NFIB: variants seen among roughly 807,000 people sequenced by gnomAD.
The protein encoded by NFIB is nuclear factor 1 B-type.
NFIB carries 11 observed loss-of-function variants against 61.5 expected under a neutral mutation model. The observed-to-expected ratio is 0.18, with a 90% CI of 0.11 to 0.30. The LOEUF (loss-of-function observed/expected upper bound fraction) is 0.30. Ranked by LOEUF, NFIB falls within the 10% of genes least tolerant of loss-of-function variation. NFIB has a pLI of 1.00. For missense variants in NFIB, 471 were observed against 608.9 expected, an observed-to-expected ratio of 0.77 and a Z score of 2.38; for synonymous variants, 260 against 216.5, an observed-to-expected ratio of 1.20 and a Z score of -1.76.
chr9:14,478,637 A>G, the NFIB span, among the ~76,000 whole-genome samples: 1 of 152,200 alleles, frequency 6.6e-6, no homozygotes, highest in Non-Finnish European at 1.5e-5. Context: ...CATGAATAAC[A>G]TTTCAGGGAA....
intron 2 of NFIB, among the ~76,000 whole-genome samples, chr9:14,244,438 A>C (rs1313584296): frequency 1.3e-5 from 2 of 152,228 alleles, no homozygotes; most frequent in Admixed American, 1.3e-4. Flanking sequence ...AATGAATGAA[A>C]CTTACCCACA....
chr9:14,175,679 T>C (rs577912875), intron 3 of NFIB, among the ~76,000 whole-genome samples: 11 of 152,254 alleles, frequency 7.2e-5, no homozygotes, highest in African/African-American at 2.4e-4. Flanking sequence ...ACACACAAAA[T>C]AGCACAAGCA....
chr9:14,201,895 G>A (rs1014388521), intron 2 of NFIB, among the ~76,000 whole-genome samples: 2 of 145,172 alleles, frequency 1.4e-5, no homozygotes, highest in African/African-American at 2.5e-5. Flanking sequence ...TTATCCATTC[G>A]TTTATTTTTT....
Position 14,264,640 on chromosome 9 carries a change from T to A in NFIB, c.562+42349A>T, listed in dbSNP as rs562277718. Among the ~76,000 whole-genome samples the A allele has an allele frequency of 7.2e-5, 11 of 152,280 alleles. No individual in the cohort carries two copies. The East Asian group carries it at 1.9e-3, about 27-fold the overall frequency. On this transcript the variant is annotated intron_variant, in intron 2 of 10. Transcript: ENST00000380953. ...TTCAAAGGGTCCGATCTGCTATATG[T>A]CCCCTACAATATTAAGTACATACTT...
upstream of NFIB, among the ~76,000 whole-genome samples, chr9:14,315,366 G>GCCT (rs990660729): frequency 6.6e-5 from 10 of 150,758 alleles, no homozygotes; most frequent in African/African-American, 1.9e-4. Flanking sequence ...CGCCGCCGCC[G>GCCT]CCTCTTGCTC....
chr9:14,461,674 G>A, the NFIB span, among the ~76,000 whole-genome samples: 2 of 152,150 alleles, frequency 1.3e-5, no homozygotes, highest in African/African-American at 4.8e-5. Context: ...TGTATGGTAA[G>A]AATCCTGTGA....
At chr9:14,194,694 C>T (rs1232240664) in intron 2 of NFIB, among the ~76,000 whole-genome samples, 1 of 152,026 alleles carries the variant, frequency 6.6e-6, no homozygotes, top group South Asian at 2.1e-4. Flanking sequence ...AAATGAGATA[C>T]ATTATACTAA....
At chr9:14,153,502 C>A (rs1316664091) in intron 4 of NFIB, among the ~76,000 whole-genome samples, 1 of 152,040 alleles carries the variant, frequency 6.6e-6, no homozygotes, top group Non-Finnish European at 1.5e-5. Flanking sequence ...AGAAATGAAG[C>A]ACCAAAGAAC....
chr9:14,496,637 C>T, the NFIB span, among the ~76,000 whole-genome samples: 1 of 152,152 alleles, frequency 6.6e-6, no homozygotes, highest in Non-Finnish European at 1.5e-5. Flanking sequence ...CGTAGTCCAT[C>T]TAAGTCATTT....
At chr9:14,150,694 C>A (rs970331706) in intron 4 of NFIB, among the ~76,000 whole-genome samples, 1 of 152,002 alleles carries the variant, frequency 6.6e-6, no homozygotes, top group Non-Finnish European at 1.5e-5. Flanking sequence ...AAACAGAGAA[C>A]CGTTTCACAA....
At chr9:14,414,955 A>C in the NFIB span, among the ~76,000 whole-genome samples, 1 of 152,158 alleles carries the variant, frequency 6.6e-6, no homozygotes, top group Non-Finnish European at 1.5e-5. Context: ...CTAATAAACC[A>C]CCACACATTT....
the NFIB span, among the ~76,000 whole-genome samples, chr9:14,424,137 G>A: frequency 6.6e-6 from 1 of 152,156 alleles, no homozygotes; most frequent in Non-Finnish European, 1.5e-5. Context: ...TGCCATGATA[G>A]TTTAAGTTAA....
At chr9:14,239,589 A>T (rs940943708) in intron 2 of NFIB, among the ~76,000 whole-genome samples, 1 of 152,220 alleles carries the variant, frequency 6.6e-6, no homozygotes, top group African/African-American at 2.4e-5. Flanking sequence ...TAAGAATGAG[A>T]AAGGAATCTC....
chr9:14,395,530 A>T (rs943311862), intron 1 of NFIB, among the ~76,000 whole-genome samples: 2 of 151,884 alleles, frequency 1.3e-5, no homozygotes, highest in Non-Finnish European at 2.9e-5. Flanking sequence ...CGTGAGCCCC[A>T]CAAATATAAA....
the NFIB span, among the ~76,000 whole-genome samples, chr9:14,479,245 G>C: frequency 6.6e-6 from 1 of 152,198 alleles, no homozygotes; most frequent in Admixed American, 6.5e-5. Flanking sequence ...GTGGGGGATT[G>C]CAGGGGGCTC....
the NFIB span, among the ~76,000 whole-genome samples, chr9:14,423,863 T>C: frequency 1.3e-5 from 2 of 152,322 alleles, no homozygotes; most frequent in Non-Finnish European, 2.9e-5. Flanking sequence ...TATTTTTATA[T>C]TGAAAGTCAT....
chr9:14,131,009 A>G (rs1334782664), intron 6 of NFIB, among the ~76,000 whole-genome samples: 2 of 152,158 alleles, frequency 1.3e-5, no homozygotes, highest in African/African-American at 4.8e-5. Context: ...GGTTTAGTAG[A>G]GAGGGCAGAA....
At chr9:14,518,616 CT>C in the NFIB span, among the ~76,000 whole-genome samples, 1 of 151,754 alleles carries the variant, frequency 6.6e-6, no homozygotes, top group African/African-American at 2.4e-5. Flanking sequence ...AACACCACTA[CT>C]TTTGTCCTGC....
chr9:14,353,125 G>C (rs2061133803), intron 1 of NFIB, among the ~76,000 whole-genome samples: 1 of 152,114 alleles, frequency 6.6e-6, no homozygotes, highest in Non-Finnish European at 1.5e-5. Context: ...TGGTGAAGGT[G>C]CTGCAGCCTG....
Sources: allele counts gnomAD v4.1 joint callset (sites outside exome capture counted in the v4.1 genomes callset), GRCh38; gene constraint gnomAD v4.1.1; transcripts MANE v1.5; gene names NCBI Gene and HGNC (gene_info 2026-07-23, HGNC 2026-07-21).